The following CTNNA2 variants were observed in gnomAD, a reference collection of about 807,000 sequenced individuals.
The protein encoded by CTNNA2 is catenin alpha-2.
Under a neutral mutation model 101.0 loss-of-function variants are expected in CTNNA2, and 42 were observed. That is an observed-to-expected ratio of 0.42 (90% CI 0.32 to 0.54). The LOEUF is 0.54. Among genes scored for constraint, CTNNA2 ranks in the 20% least tolerant of loss-of-function variants. CTNNA2 has a pLI of 0.14. For missense variants in CTNNA2, 871 were observed against 1,223.1 expected (o/e 0.71, Z 4.29); for synonymous variants, 450 against 456.4 (o/e 0.99, Z 0.18).
chr2:80,168,044 A>T (rs1573282040), intron 7 of CTNNA2, among the ~76,000 whole-genome samples: 1 of 152,154 alleles, frequency 6.6e-6, no homozygotes, highest in African/African-American at 2.4e-5. Context: ...GAGGACACAA[A>T]ATCAGTGCCT....
intron 7 of CTNNA2, among the ~76,000 whole-genome samples, chr2:80,185,184 G>A (rs1215533338): frequency 6.6e-6 from 1 of 152,162 alleles, no homozygotes; most frequent in East Asian, 1.9e-4. Context: ...TAATTTGTGT[G>A]GTTATTGGCA....
At chr2:79,457,525 T>C (rs933222003) in intron 4 of CTNNA2, among the ~76,000 whole-genome samples, 3 of 152,200 alleles carry the variant, frequency 2.0e-5, no homozygotes, top group Non-Finnish European at 4.4e-5. Flanking sequence ...CATTTTATTA[T>C]GTTGAACTTT....
Position 80,101,230 on chromosome 2 carries a change from A to G in CTNNA2, c.1056+191433A>G, listed in dbSNP as rs533393164. ...AAAGATTTGGAAAATGTCCATTTTG[A>G]TGCATTTCCATTTGATAATACATTC... On this transcript the variant is annotated intron_variant, in intron 7 of 18. Transcript: ENST00000402739. Among the ~76,000 whole-genome samples, 14 of 152,310 alleles carry G rather than the reference A, an allele frequency of 9.2e-5. No individual in the cohort carries two copies. The South Asian group carries it at 1.7e-3, about 18-fold the overall frequency.
chr2:79,589,906 T>C (rs1304783649), intron 1 of CTNNA2, among the ~76,000 whole-genome samples: 1 of 152,190 alleles, frequency 6.6e-6, no homozygotes, highest in Non-Finnish European at 1.5e-5. Flanking sequence ...CCTAAAAATT[T>C]AGTTAAAAAG....
At chr2:80,419,045 C>A (rs1680283124) in intron 8 of CTNNA2, among the ~76,000 whole-genome samples, 1 of 152,078 alleles carries the variant, frequency 6.6e-6, no homozygotes, top group Admixed American at 6.6e-5. Flanking sequence ...CGGTTGGCTT[C>A]AAAGTTTAGA....
intron 7 of CTNNA2, among the ~76,000 whole-genome samples, chr2:80,340,028 T>A (rs1310548688): frequency 6.6e-6 from 1 of 152,208 alleles, no homozygotes; most frequent in East Asian, 1.9e-4. Flanking sequence ...TATATGCAGC[T>A]TTTTCATCAA....
chr2:79,992,890 A>T (rs1484417320), intron 7 of CTNNA2, among the ~76,000 whole-genome samples: 1 of 152,200 alleles, frequency 6.6e-6, no homozygotes, highest in Non-Finnish European at 1.5e-5. Flanking sequence ...ACTATAACCA[A>T]ACACTATCTT....
At chr2:80,129,694 A>G (rs1702312110) in intron 7 of CTNNA2, among the ~76,000 whole-genome samples, 1 of 152,128 alleles carries the variant, frequency 6.6e-6, no homozygotes. Context: ...ACAACTCTAT[A>G]ATGGAACTCC....
At chr2:80,456,036 C>T (rs1232000296) in intron 9 of CTNNA2, among the ~76,000 whole-genome samples, 1 of 152,146 alleles carries the variant, frequency 6.6e-6, no homozygotes. Context: ...TGAGAAGTTA[C>T]TTTCCTTATT....
chr2:79,704,510 C>CA lies in CTNNA2; in HGVS notation c.103-39877_103-39876insA, dbSNP rs1553454271. ...GTTCTGAGCATATTCACTTGTGCTT[C>CA]TTTTTTTTTTTTTTTTTTTTGAGAC... On this transcript the variant is annotated intron_variant, in intron 2 of 18. Transcript: ENST00000402739. Among the ~76,000 whole-genome samples the CA allele has an allele frequency of 2.8e-3, 363 of 127,582 alleles. 1 individual carries two copies. Among genetic ancestry groups the CA allele is most frequent in the Non-Finnish European group, 3.7e-3 (224 of 60,810 alleles). 83.7% of individuals were successfully genotyped at this position (127,582 alleles called of 152,430 possible). A position where few individuals can be genotyped will look rare whatever the true frequency, so the allele number is the denominator to read the frequency against.
At chr2:79,714,353 A>G (rs1216279966) in intron 2 of CTNNA2, among the ~76,000 whole-genome samples, 2 of 151,844 alleles carry the variant, frequency 1.3e-5, no homozygotes, top group Non-Finnish European at 2.9e-5. Context: ...GCAAGTGTGG[A>G]GTCAAGGAGG....
intron 7 of CTNNA2, among the ~76,000 whole-genome samples, chr2:79,985,720 G>T (rs1558701508): frequency 6.6e-6 from 1 of 152,200 alleles, no homozygotes; most frequent in African/African-American, 2.4e-5. Flanking sequence ...GCTGCAAGCA[G>T]CAGGCCCAGC....
At chr2:80,223,708 A>G (rs1032097973) in intron 7 of CTNNA2, among the ~76,000 whole-genome samples, 1 of 152,224 alleles carries the variant, frequency 6.6e-6, no homozygotes. Flanking sequence ...CACTTAGGAT[A>G]TATCCTAAAA....
At chr2:80,584,971 G>A (rs1695850199) in intron 14 of CTNNA2, among the ~76,000 whole-genome samples, 1 of 151,926 alleles carries the variant, frequency 6.6e-6, no homozygotes, top group Non-Finnish European at 1.5e-5. Flanking sequence ...CTAGAGACTG[G>A]TAAGAATCAA....
At chr2:80,412,337 T>C (rs990046765) in intron 8 of CTNNA2, among the ~76,000 whole-genome samples, 14 of 152,346 alleles carry the variant, frequency 9.2e-5, no homozygotes, top group Middle Eastern at 3.4e-3. Flanking sequence ...TCCCCATGAC[T>C]TGTCTCTTTG....
intron 7 of CTNNA2, among the ~76,000 whole-genome samples, chr2:80,003,105 G>T (rs1693076546): frequency 6.6e-6 from 1 of 152,200 alleles, no homozygotes; most frequent in South Asian, 2.1e-4. Flanking sequence ...AGCAGCAGCA[G>T]CAGCAGCCTG....
chr2:80,143,916 G>T (rs1703169321), intron 7 of CTNNA2, among the ~76,000 whole-genome samples: 1 of 152,088 alleles, frequency 6.6e-6, no homozygotes, highest in East Asian at 1.9e-4. Context: ...AAATATATCT[G>T]CAGGGGTACT....
chr2:80,533,189 T>A (rs545841569), intron 9 of CTNNA2, among the ~76,000 whole-genome samples: 18 of 152,148 alleles, frequency 1.2e-4, no homozygotes, highest in Non-Finnish European at 1.2e-4. Flanking sequence ...TAAGTTGCAA[T>A]GGGTAGCACA....
chr2:79,582,131 T>A (rs552396956), intron 1 of CTNNA2, among the ~76,000 whole-genome samples: 7 of 152,342 alleles, frequency 4.6e-5, no homozygotes, highest in Admixed American at 2.0e-4. Context: ...TTTGGGGGAA[T>A]TTTTTAAACT....
Sources: allele counts gnomAD v4.1 joint callset (sites outside exome capture counted in the v4.1 genomes callset), GRCh38; gene constraint gnomAD v4.1.1; transcripts MANE v1.5; gene names NCBI Gene and HGNC (gene_info 2026-07-23, HGNC 2026-07-21).